The following MSANTD5 variants were observed in gnomAD, a reference collection of about 807,000 sequenced individuals.
MSANTD5 encodes uncharacterized protein MSANTD5.
At chr5:178,705,758 C>A in the MSANTD5 span, among the ~76,000 whole-genome samples, 1 of 152,072 alleles carries the variant, frequency 6.6e-6, no homozygotes, top group Non-Finnish European at 1.5e-5. Context: ...GAGATCCAGA[C>A]CATCCTGGCT....
chr5:178,700,920 A>G (rs1413571645), upstream of MSANTD5, among the ~76,000 whole-genome samples: 1 of 152,208 alleles, frequency 6.6e-6, no homozygotes, highest in East Asian at 1.9e-4. Flanking sequence ...TGGTTTTCAC[A>G]CATTTTCAGG....
chr5:178,694,476 G>A (rs568776342), downstream of MSANTD5: 1 of 152,360 alleles, frequency 6.6e-6, no homozygotes, highest in Non-Finnish European at 1.5e-5. Context: ...AAGATCACTG[G>A]GGGGCTGAGC....
upstream of MSANTD5, among the ~76,000 whole-genome samples, chr5:178,701,036 C>T (rs372185037): frequency 9.6e-4 from 146 of 152,244 alleles, no homozygotes; most frequent in South Asian, 0.028. Context: ...TGCAGTGGCG[C>T]GATCTCGGCT....
chr5:178,698,529 C>T (rs143671892), upstream of MSANTD5, among the ~76,000 whole-genome samples: 46 of 152,212 alleles, frequency 3.0e-4, no homozygotes, highest in African/African-American at 9.9e-4. Context: ...CTCATGATAG[C>T]GTCTGAGAAG....
chr5:178,697,435 CAG>C (rs772930019), intron 1 of MSANTD5, among the ~76,000 whole-genome samples, 149 bp downstream of exon 1: 24 of 152,142 alleles, frequency 1.6e-4, no homozygotes, highest in Non-Finnish European at 2.8e-4. Context: ...GCCTGGGCGA[CAG>C]AGCGAGACTC....
upstream of MSANTD5, among the ~76,000 whole-genome samples, chr5:178,702,104 A>G (rs1237337897): frequency 6.6e-6 from 1 of 151,420 alleles, no homozygotes; most frequent in East Asian, 1.9e-4. Flanking sequence ...AAATAAAAAA[A>G]GAAATGGGAC....
the MSANTD5 span, among the ~76,000 whole-genome samples, chr5:178,704,689 A>G: frequency 6.6e-6 from 1 of 152,242 alleles, no homozygotes; most frequent in African/African-American, 2.4e-5. Context: ...GTCTACAGGA[A>G]TGTCAGAAGT....
At chr5:178,692,838 T>A (rs1052342782), downstream of MSANTD5, among the ~76,000 whole-genome samples, 1 of 151,976 alleles carries the variant, frequency 6.6e-6, no homozygotes, top group Non-Finnish European at 1.5e-5. Flanking sequence ...GGGTTTCTTC[T>A]GGTGACTCTC....
upstream of MSANTD5, among the ~76,000 whole-genome samples, chr5:178,702,634 G>A (rs1366344799): frequency 1.3e-5 from 2 of 150,438 alleles, no homozygotes; most frequent in Admixed American, 1.3e-4. Context: ...GTCTCTCTCT[G>A]TTGCTCAGAC....
At chr5:178,698,842 C>T (rs1016397923), upstream of MSANTD5, among the ~76,000 whole-genome samples, 8 of 149,678 alleles carry the variant, frequency 5.3e-5, no homozygotes, top group East Asian at 2.0e-4. Flanking sequence ...CCTCCTGCCT[C>T]GGCCTCCCAA....
chr5:178,697,110 C>G (rs1263621100), intron 1 of MSANTD5, among the ~76,000 whole-genome samples: 1 of 152,160 alleles, frequency 6.6e-6, no homozygotes, highest in Non-Finnish European at 1.5e-5. Context: ...AAACGATCCC[C>G]CAAAGCATCA....
At chr5:178,703,436 G>C in the MSANTD5 span, among the ~76,000 whole-genome samples, 4 of 152,324 alleles carry the variant, frequency 2.6e-5, no homozygotes, top group East Asian at 7.7e-4. Context: ...CTAGGGCAAA[G>C]CCTGCGACTT....
chr5:178,706,249 C>T, the MSANTD5 span, among the ~76,000 whole-genome samples: 1 of 152,214 alleles, frequency 6.6e-6, no homozygotes, highest in African/African-American at 2.4e-5. Flanking sequence ...TTTTCATTAG[C>T]TCCTTTATTT....
intron 1 of MSANTD5, among the ~76,000 whole-genome samples, chr5:178,696,975 C>A (rs1335173406): frequency 6.6e-6 from 1 of 152,106 alleles, no homozygotes; most frequent in Admixed American, 6.6e-5. Context: ...GTCTCCGCAG[C>A]TGGAGTAAAA....
the MSANTD5 span, chr5:178,707,314 A>G: frequency 3.9e-5 from 6 of 152,156 alleles, no homozygotes; most frequent in Non-Finnish European, 8.8e-5. Flanking sequence ...TTCAGTGTCA[A>G]TAGGATGGCT....
chr5:178,701,859 G>A (rs938386119), upstream of MSANTD5, among the ~76,000 whole-genome samples: 2 of 150,014 alleles, frequency 1.3e-5, no homozygotes, highest in Admixed American at 1.3e-4. Flanking sequence ...TCAGCCTCCC[G>A]AGTAGCTGGG....
At chr5:178,692,047 A>C (rs1458638075), downstream of MSANTD5, among the ~76,000 whole-genome samples, 9 of 119,106 alleles carry the variant, frequency 7.6e-5, 3 homozygotes, top group Admixed American at 4.5e-4. Context: ...TGACACGGCC[A>C]TCTGGTAAAG....
In MSANTD5 at chr5:178,695,894, G is replaced by A. The variant is rs373137593; in HGVS notation, c.91+203C>T. On this transcript the variant is annotated intron_variant, in intron 2 of 3. Transcript: ENST00000648368. ...ATTTGCTGCCTGAGAGTGCTCCCCTGATGTGGGACTCACATCCCATCCCTG... is the reference window on the plus strand; with the variant it reads ...ATTTGCTGCCTGAGAGTGCTCCCCTAATGTGGGACTCACATCCCATCCCTG... 5.3e-5 allele frequency among the ~76,000 whole-genome samples: 8 copies of A among 152,280 alleles called. 1 individual carries two copies. In the South Asian group the frequency reaches 1.2e-3, roughly 24 times the overall value.
At chr5:178,694,382 A>C (rs1427820658), downstream of MSANTD5, among the ~76,000 whole-genome samples, 1 of 151,660 alleles carries the variant, frequency 6.6e-6, no homozygotes, top group African/African-American at 2.4e-5. Flanking sequence ...AGGATTGAGC[A>C]GTTACCTCTG....
Sources: gnomAD v4.1 joint callset for allele counts (sites outside exome capture counted in the v4.1 genomes callset) on GRCh38, gnomAD v4.1.1 for gene constraint, MANE v1.5 for transcripts, NCBI Gene and HGNC (gene_info 2026-07-23, HGNC 2026-07-21) for gene names.